The following JKAMP variants were observed in gnomAD, a reference collection of about 807,000 sequenced individuals.
The protein encoded by JKAMP is JNK1/MAPK8-associated membrane protein.
JKAMP carries 20 observed loss-of-function variants against 40.2 expected under a neutral mutation model. The observed-to-expected ratio is 0.50, with a 90% CI of 0.35 to 0.72. JKAMP has a LOEUF of 0.72. Among genes scored for constraint, JKAMP ranks in the 30% least tolerant of loss-of-function variants. JKAMP has a pLI of 0.01. For synonymous variants in JKAMP, 138 were observed against 131.6 expected, an observed-to-expected ratio of 1.05 and a Z score of -0.33; for missense variants, 276 against 373.0, an observed-to-expected ratio of 0.74 and a Z score of 2.14.
intron 5 of JKAMP, chr14:59,500,877 T>C (rs923759676): frequency 4.9e-6 from 1 of 203,724 alleles, no homozygotes; most frequent in Non-Finnish European, 9.7e-6. Flanking sequence ...ATGAAACGTA[T>C]GTTTTATTGT....
At chr14:59,488,612 A>G (rs1594932906) in intron 3 of JKAMP, among the ~76,000 whole-genome samples, 1 of 152,160 alleles carries the variant, frequency 6.6e-6, no homozygotes, top group East Asian at 1.9e-4. Context: ...GGGAGTAGGA[A>G]AGATAGGTTG....
rs1892265703 is a variant in JKAMP, at chr14:59,505,237, A to AGTTACTTT, written c.*1170_*1177dup. 1.4e-6 allele frequency: 2 copies of AGTTACTTT among 1,456,442 alleles called. No homozygotes were observed. The highest frequency in any genetic ancestry group is 5.0e-5 in the East Asian group (2 of 40,228). The allele number at this position is 1,456,442 out of a possible 1,614,324, so 90.2% of individuals were successfully genotyped here. On this transcript the variant is annotated 3_prime_UTR_variant, in exon 7 of 7. Coordinates refer to ENST00000616435, the MANE Select transcript of JKAMP (RefSeq NM_016475.5). ...TGAATTCACAGCAGTTGTATCCTTG[A>AGTTACTTT]GTTACTTTGTTAATGTATTTTTCTC...
At position 59,504,128 on chromosome 14, in the gene JKAMP, TC is replaced by T. The variant is rs1208789246; in HGVS notation, c.*57del. On this transcript the variant is annotated 3_prime_UTR_variant, in exon 7 of 7. Transcript: ENST00000616435. ...GAAGTGCTCCTAATAAAAAAGTAAA[TC>T]AATCTTAACAGTGTATGAGAACTAT... 3.8e-6 allele frequency: 4 copies of T among 1,043,214 alleles called. No homozygotes were observed. In the Admixed American group the frequency reaches 5.6e-5, roughly 15 times the overall value. The allele number at this position is 1,043,214 out of a possible 1,614,324, so 64.6% of individuals were successfully genotyped here.
At chr14:59,489,864 T>C (rs978914715) in intron 3 of JKAMP, among the ~76,000 whole-genome samples, 1 of 141,910 alleles carries the variant, frequency 7.0e-6, no homozygotes, top group South Asian at 2.3e-4. Flanking sequence ...CACATGGTGA[T>C]AGGGGGAGGA....
At chr14:59,493,662 A>G (rs1311086301) in intron 3 of JKAMP, among the ~76,000 whole-genome samples, 2 of 152,242 alleles carry the variant, frequency 1.3e-5, no homozygotes, top group African/African-American at 4.8e-5. Flanking sequence ...TTCCATGTAC[A>G]GTACAAGTAC....
At chr14:59,489,476 A>G (rs1890828136) in intron 3 of JKAMP, among the ~76,000 whole-genome samples, 1 of 152,162 alleles carries the variant, frequency 6.6e-6, no homozygotes, top group South Asian at 2.1e-4. Flanking sequence ...TTCACTGTCT[A>G]CATTTCTGTC....
At chr14:59,489,114 T>A (rs1890797590) in intron 3 of JKAMP, among the ~76,000 whole-genome samples, 1 of 152,270 alleles carries the variant, frequency 6.6e-6, no homozygotes, top group African/African-American at 2.4e-5. Context: ...TGAATTCCTC[T>A]CCTGAAAATG....
At chr14:59,502,755 T>TGTTTTTTTTCTTTGTTTTTG (rs67189643) in intron 6 of JKAMP, among the ~76,000 whole-genome samples, 2 of 122,952 alleles carry the variant, frequency 1.6e-5, no homozygotes, top group South Asian at 2.7e-4. Flanking sequence ...ATGAGATTTT[T>TGTTTTTTTTCTTTGTTTTTG]TTTTTTTTTT....
chr14:59,499,015 CTTTTTTTTTTTTT>C (rs527684457), intron 5 of JKAMP, 107 bp downstream of exon 5: 119 of 127,156 alleles, frequency 9.4e-4, no homozygotes, highest in Middle Eastern at 5.6e-3. Context: ...TTGTTTAATC[CTTTTTTTTTTTTT>C]TTTTTTTTTT....
chr14:59,489,367 C>T (rs1329334802), intron 3 of JKAMP, among the ~76,000 whole-genome samples: 3 of 152,214 alleles, frequency 2.0e-5, no homozygotes, highest in African/African-American at 7.2e-5. Context: ...GACATGGACA[C>T]AATGCAGCAG....
intron 6 of JKAMP, among the ~76,000 whole-genome samples, chr14:59,502,660 T>C (rs753775869): frequency 6.6e-6 from 1 of 152,016 alleles, no homozygotes; most frequent in Non-Finnish European, 1.5e-5. Flanking sequence ...TTAAAGAAGA[T>C]AGGAAAATTA....
At chr14:59,498,934 A>C (rs1268365742) in intron 5 of JKAMP, 26 bp downstream of exon 5, 7 of 1,382,046 alleles carry the variant, frequency 5.1e-6, no homozygotes, top group Non-Finnish European at 6.0e-6. Flanking sequence ...AAAGTCAATG[A>C]AATATATTTA....
chr14:59,495,653 A>G (rs915716823), intron 4 of JKAMP, among the ~76,000 whole-genome samples: 2 of 152,170 alleles, frequency 1.3e-5, no homozygotes, highest in African/African-American at 4.8e-5. Context: ...ATTTTTATGA[A>G]TTTTTGTAAA....
chr14:59,502,773 T>TGTTTTTGTTTTTTTTTTTTTTTG (rs796697193), intron 6 of JKAMP, among the ~76,000 whole-genome samples: 2 of 102,836 alleles, frequency 1.9e-5, no homozygotes, highest in African/African-American at 3.9e-5. Context: ...TTTTTTTTTT[T>TGTTTTTGTTTTTTTTTTTTTTTG]CGGAGTCTCA....
At chr14:59,500,873 C>T (rs1594951713) in intron 5 of JKAMP, 1 of 195,542 alleles carries the variant, frequency 5.1e-6, no homozygotes, top group East Asian at 1.3e-4. Context: ...GAGTATGAAA[C>T]GTATGTTTTA....
chr14:59,504,590 G>A lies in JKAMP; in HGVS notation c.*518G>A, dbSNP rs542960354. 3.3e-5 allele frequency: 5 copies of A among 152,576 alleles called. No individual in the cohort carries two copies. Among genetic ancestry groups the A allele is most frequent in the Admixed American group, 1.3e-4 (2 of 15,258 alleles). 9.5% of individuals were successfully genotyped at this position (152,576 alleles called of 1,614,324 possible). On this transcript the variant is annotated 3_prime_UTR_variant, in exon 7 of 7. Coordinates refer to ENST00000616435, the MANE Select transcript of JKAMP (RefSeq NM_016475.5). Reference sequence around the variant, plus strand: ...ATTTTCATCAATACAGTATTTTGATGTATTGCAAAAATAGATAATAATTTA... The same window carrying A: ...ATTTTCATCAATACAGTATTTTGATATATTGCAAAAATAGATAATAATTTA...
intron 5 of JKAMP, 154 bp from the exon 6 acceptor site, chr14:59,501,037 T>TGCTG: frequency 1.8e-6 from 1 of 566,028 alleles, no homozygotes; most frequent in South Asian, 2.3e-5. Context: ...AGAAAAAGCT[T>TGCTG]GCTGGCCACT....
At chr14:59,495,386 G>T in intron 4 of JKAMP, 162 bp downstream of exon 4, 1 of 586,932 alleles carries the variant, frequency 1.7e-6, no homozygotes, top group Non-Finnish European at 3.0e-6. Context: ...TGTAACTTCA[G>T]TTTTCTCTTT....
chr14:59,505,279 G>T lies in JKAMP; in HGVS notation c.*1207G>T, dbSNP rs138609862. The T allele has an allele frequency of 3.4e-4, 516 of 1,509,416 alleles. No individual in the cohort carries two copies. The highest frequency in any genetic ancestry group is 4.4e-4 in the Non-Finnish European group (502 of 1,128,118). 93.5% of individuals were successfully genotyped at this position (1,509,416 alleles called of 1,614,324 possible). ...ATTTTTCTCAGTACATTTAACCACTGGGAAATGAACCCTTGTACGAATGTG... is the reference window on the plus strand; with the variant it reads ...ATTTTTCTCAGTACATTTAACCACTTGGAAATGAACCCTTGTACGAATGTG... On this transcript the variant is annotated 3_prime_UTR_variant, in exon 7 of 7. Transcript: ENST00000616435.
Sources: allele counts gnomAD v4.1 joint callset (sites outside exome capture counted in the v4.1 genomes callset), GRCh38; gene constraint gnomAD v4.1.1; transcripts MANE v1.5; gene names NCBI Gene and HGNC (gene_info 2026-07-23, HGNC 2026-07-21).